The following ZNF609 variants were observed in gnomAD, a reference collection of about 807,000 sequenced individuals.
The protein encoded by ZNF609 is zinc finger protein 609.
Under a neutral mutation model 109.5 loss-of-function variants are expected in ZNF609, and 11 were observed. The observed-to-expected ratio is 0.10, with a 90% CI of 0.06 to 0.17. The LOEUF (loss-of-function observed/expected upper bound fraction) is 0.17, where lower values mean the gene tolerates loss of function less well. ZNF609 is among the 10% of genes least tolerant of loss of function. The pLI, the probability that ZNF609 is intolerant of heterozygous loss-of-function variation, is 1.00. For missense variants in ZNF609, 1,559 were observed against 1,772.4 expected, an observed-to-expected ratio of 0.88 and a Z score of 2.16; for synonymous variants, 646 against 662.0, an observed-to-expected ratio of 0.98 and a Z score of 0.37.
chr15:64,656,157 G>A (rs1034975836), intron 3 of ZNF609, among the ~76,000 whole-genome samples: 5 of 152,034 alleles, frequency 3.3e-5, no homozygotes, highest in Admixed American at 1.3e-4. Flanking sequence ...TCCGCCTCCC[G>A]TGTTCAGGCA....
chr15:64,648,838 T>G (rs1896373584), intron 3 of ZNF609, among the ~76,000 whole-genome samples: 2 of 152,098 alleles, frequency 1.3e-5, no homozygotes, highest in Admixed American at 1.3e-4. Flanking sequence ...TCATTAGGAC[T>G]TGGGAAACTT....
At chr15:64,528,955 ACATTGG>A in intron 2 of ZNF609, 5 of 1,381,900 alleles carry the variant, frequency 3.6e-6, no homozygotes, top group Non-Finnish European at 5.1e-6. Context: ...CGCCACTGAC[ACATTGG>A]CAGTGGGGAC....
intron 4 of ZNF609, among the ~76,000 whole-genome samples, chr15:64,673,543 G>T (rs901781012): frequency 2.0e-5 from 3 of 152,208 alleles, no homozygotes; most frequent in Non-Finnish European, 1.5e-5. Context: ...CTAGAGTCTT[G>T]TTGTATGTTG....
At chr15:64,608,127 C>G (rs1454737749) in intron 2 of ZNF609, among the ~76,000 whole-genome samples, 1 of 151,486 alleles carries the variant, frequency 6.6e-6, no homozygotes. Context: ...GAACTCCTGA[C>G]CTCAGGCAAT....
chr15:64,589,806 A>G (rs1287330244), intron 2 of ZNF609, among the ~76,000 whole-genome samples: 1 of 149,870 alleles, frequency 6.7e-6, no homozygotes, highest in African/African-American at 2.6e-5. Flanking sequence ...TTAAATGGCT[A>G]AAAATTTTTA....
intron 3 of ZNF609, among the ~76,000 whole-genome samples, chr15:64,656,885 G>C (rs1352387615): frequency 2.0e-5 from 3 of 151,716 alleles, no homozygotes; most frequent in Non-Finnish European, 4.4e-5. Flanking sequence ...TCCAAGATTA[G>C]AACACAACTT....
intron 1 of ZNF609, among the ~76,000 whole-genome samples, chr15:64,489,171 GTGTTTTTTTTTT>G (rs1164201098): frequency 6.6e-6 from 1 of 150,948 alleles, no homozygotes; most frequent in Admixed American, 6.6e-5. Flanking sequence ...GCCTAGTTTT[GTGTTTTTTTTTT>G]TGTTTTTTTG....
At chr15:64,496,864 A>G (rs1205830763) in intron 1 of ZNF609, among the ~76,000 whole-genome samples, 1 of 151,056 alleles carries the variant, frequency 6.6e-6, no homozygotes, top group Non-Finnish European at 1.5e-5. Flanking sequence ...CCCAGGCTGG[A>G]GTGAAGTGGC....
intron 6 of ZNF609, among the ~76,000 whole-genome samples, chr15:64,678,932 C>G (rs1896843478): frequency 1.3e-5 from 2 of 152,212 alleles, no homozygotes; most frequent in Admixed American, 1.3e-4. Context: ...AAATAAAATG[C>G]AAACCATAAC....
chr15:64,634,343 G>A (rs1276750249), intron 3 of ZNF609, among the ~76,000 whole-genome samples: 1 of 152,114 alleles, frequency 6.6e-6, no homozygotes, highest in Non-Finnish European at 1.5e-5. Flanking sequence ...GTCTGCCTGT[G>A]GTAGCTCCGC....
At chr15:64,467,987 TTA>T (rs1893037973) in intron 1 of ZNF609, among the ~76,000 whole-genome samples, 1 of 152,092 alleles carries the variant, frequency 6.6e-6, no homozygotes, top group South Asian at 2.1e-4. Context: ...TCTAAGAGTG[TTA>T]TGTTTTCTTT....
intron 4 of ZNF609, 23 bp downstream of exon 4, chr15:64,670,456 TTTATA>T (rs776243929): frequency 6.3e-7 from 1 of 1,595,906 alleles, no homozygotes; most frequent in Non-Finnish European, 8.6e-7. Context: ...AGCTATTTAG[TTTATA>T]TTATTCTGAA....
chr15:64,548,339 TTACTCGTG>T (rs1208829456), intron 2 of ZNF609, among the ~76,000 whole-genome samples: 1 of 152,160 alleles, frequency 6.6e-6, no homozygotes, highest in Non-Finnish European at 1.5e-5. Flanking sequence ...TTGAATAATT[TTACTCGTG>T]TACACTCTAA....
chr15:64,648,043 A>G (rs1324951104), intron 3 of ZNF609, among the ~76,000 whole-genome samples: 3 of 152,206 alleles, frequency 2.0e-5, no homozygotes, highest in Non-Finnish European at 2.9e-5. Flanking sequence ...TCTCAGCCCA[A>G]AATAAACCTA....
chr15:64,676,769 T>G (rs1043471022), intron 5 of ZNF609, among the ~76,000 whole-genome samples: 5 of 151,596 alleles, frequency 3.3e-5, no homozygotes, highest in African/African-American at 4.9e-5. Flanking sequence ...ATTTATTTAT[T>G]TTGAGATGGA....
intron 2 of ZNF609, among the ~76,000 whole-genome samples, chr15:64,587,211 G>A (rs543915814): frequency 4.1e-4 from 63 of 152,270 alleles, no homozygotes; most frequent in African/African-American, 1.5e-3. Context: ...AGTGGATCTT[G>A]CCACCCACCA....
At chr15:64,490,268 AG>A (rs1893393432) in intron 1 of ZNF609, among the ~76,000 whole-genome samples, 1 of 98,462 alleles carries the variant, frequency 1.0e-5, no homozygotes, top group Non-Finnish European at 1.9e-5. Flanking sequence ...CCCGGCCAGT[AG>A]TTGTTTTTTT....
At chr15:64,608,384 A>T (rs186911447) in intron 2 of ZNF609, among the ~76,000 whole-genome samples, 24 of 152,186 alleles carry the variant, frequency 1.6e-4, no homozygotes, top group Non-Finnish European at 2.5e-4. Context: ...ATCTTGCAGA[A>T]CTCTAGCACA....
intron 2 of ZNF609, among the ~76,000 whole-genome samples, chr15:64,590,684 A>ATATG (rs1290673399): frequency 6.6e-6 from 1 of 151,182 alleles, no homozygotes; most frequent in African/African-American, 2.4e-5. Context: ...GCATATATAT[A>ATATG]TATGTATATA....
Sources: gnomAD v4.1 joint callset for allele counts (sites outside exome capture counted in the v4.1 genomes callset) on GRCh38, gnomAD v4.1.1 for gene constraint, MANE v1.5 for transcripts, NCBI Gene and HGNC (gene_info 2026-07-23, HGNC 2026-07-21) for gene names.